Variants in OPLAH observed in about 807,000 individuals in gnomAD.
OPLAH encodes the protein 5-oxoprolinase, ATP-hydrolysing, also known as 5-oxoprolinase.
OPLAH carries 103 observed loss-of-function variants against 122.8 expected under a neutral mutation model. That is an observed-to-expected ratio of 0.84 (90% confidence interval 0.71 to 0.99). The LOEUF is 0.99. Ranked by LOEUF, OPLAH falls within the 50% of genes least tolerant of loss-of-function variation. The probability of loss-of-function intolerance (pLI) is 0.00; values close to 1 mark genes in which losing one functional copy is unlikely to be tolerated. For synonymous variants in OPLAH, 875 were observed against 796.0 expected, an observed-to-expected ratio of 1.10 and a Z score of -1.67; for missense variants, 1,902 against 1,836.5, an observed-to-expected ratio of 1.04 and a Z score of -0.65.
Position 144,056,429 on chromosome 8 carries a change from C to T in OPLAH, c.1939G>A (p.Glu647Lys), listed in dbSNP as rs371821782. The T allele has an allele frequency of 4.0e-5, 64 of 1,609,098 alleles. No individual in the cohort carries two copies. Among genetic ancestry groups the T allele is most frequent in the Admixed American group, 5.0e-5 (3 of 59,512 alleles). ...RGTGRSGLRL[E>K]DAPKAQTGPP... ...CCGGTCTGGGCTTTGGGGGCATCCT[C>T]GAGGCGAAGACCACTGCGGCCGGTG... Residue 647 changes from glutamate to lysine, a missense_variant, in exon 14 of 27, where the codon GAG (glutamate) becomes AAG (lysine). Transcript: ENST00000618853.
intron 19 of OPLAH, among the ~76,000 whole-genome samples, chr8:144,054,196 C>G (rs1835454031): frequency 6.6e-6 from 1 of 151,950 alleles, no homozygotes; most frequent in Admixed American, 6.5e-5. Context: ...TCTACAGGGG[C>G]CTTTGGGCCC....
chr8:144,051,686 G>C, intron 26 of OPLAH, 43 bp downstream of exon 26: 1 of 1,263,856 alleles, frequency 7.9e-7, no homozygotes, highest in Non-Finnish European at 1.1e-6. Flanking sequence ...GGGGCCGGGA[G>C]GGGAGGGGAG....
At chr8:144,056,567 G>A in intron 13 of OPLAH, 44 bp from the exon 14 acceptor site, 1 of 1,612,266 alleles carries the variant, frequency 6.2e-7, no homozygotes, top group Non-Finnish European at 8.5e-7. Flanking sequence ...GAGTGAGGCG[G>A]CCAGACAGGA....
At position 144,056,641 on chromosome 8, in the gene OPLAH, G is replaced by A. The variant is rs1554759225; in HGVS notation, c.1821C>T (p.Asp607=). The part of the protein sequence containing the change: ...PATARSPRAG[D]FGAAFVERYM... ...ACCGCTCCACAAAGGCTGCCCCGAA[G>A]TCCCCCGCACGGGGCGAGCGGGCTG... Residue 607 remains aspartate (D), a synonymous_variant, in exon 13 of 27, where the codon GAC becomes GAT. Transcript: ENST00000618853. 1.9e-6 allele frequency: 3 copies of A among 1,612,306 alleles called. No individual in the cohort carries two copies. The highest frequency in any genetic ancestry group is 2.5e-6 in the Non-Finnish European group (3 of 1,179,792).
rs782712613 is a variant in OPLAH at position 144,052,015 on chromosome 8, G to C, written c.3523C>G (p.Arg1175Gly). 1 of 1,590,094 alleles carries C rather than the reference G, an allele frequency of 6.3e-7. No homozygotes were observed. The highest frequency in any genetic ancestry group is 8.5e-7 in the Non-Finnish European group (1 of 1,176,346). Residue 1175 changes from arginine to glycine, a missense_variant, in exon 25 of 27, where the codon CGA becomes GGA. Around this residue, in one of 3 missense-constraint regions of OPLAH, gnomAD observed 1,726 missense variants for 1,642.1 expected, o/e 1.05. Coordinates refer to ENST00000618853, the MANE Select transcript of OPLAH (RefSeq NM_017570.5). ...TCGCGGGTGACGCCGTCGCCGCCTCGGAAGCGGCCTCTGCCCCCCGAGCCC... is the reference window on the plus strand; with the variant it reads ...TCGCGGGTGACGCCGTCGCCGCCTCCGAAGCGGCCTCTGCCCCCCGAGCCC... ...RRGSGGRGRF[R>G]GGDGVTRELL...
In OPLAH at chr8:144,054,905, GT is replaced by G; in HGVS notation, c.2417del (p.His806ProfsTer13). The G allele has an allele frequency of 5.0e-6, 8 of 1,603,602 alleles. No individual in the cohort carries two copies. The highest frequency in any genetic ancestry group is 6.8e-6 in the Non-Finnish European group (8 of 1,174,410). On this transcript the variant is annotated frameshift_variant, in exon 18 of 27. Coordinates refer to ENST00000618853, the MANE Select transcript of OPLAH (RefSeq NM_017570.5). LOFTEE classifies it high-confidence loss of function. Reference sequence around the variant, plus strand: ...CGCCAGGGTGGAGATCGGCCCCCAGGTGCTGAATCTGAAACCAGGAGATGGG... The same window carrying G: ...CGCCAGGGTGGAGATCGGCCCCCAGGGCTGAATCTGAAACCAGGAGATGGG... ...MQETVQFQIQ[H>X]LGADLHPGDV... is the part of the protein sequence containing the mutation.
chr8:144,056,868 G>C (rs1554759337), intron 12 of OPLAH, 80 bp downstream of exon 12: 2 of 1,515,530 alleles, frequency 1.3e-6, no homozygotes, highest in East Asian at 4.9e-5. Flanking sequence ...GACCACCTGG[G>C]AAGTCATCAG....
chr8:144,051,886 G>T (rs1835386518), intron 25 of OPLAH, 30 bp downstream of exon 25: 2 of 490,618 alleles, frequency 4.1e-6, no homozygotes, highest in Non-Finnish European at 7.5e-6. Context: ...CGGGGGCGGG[G>T]AGGGCCGCGA....
chr8:144,050,867 C>A, downstream of OPLAH: 1 of 992,932 alleles, frequency 1.0e-6, no homozygotes, highest in Non-Finnish European at 1.2e-6. Context: ...CGGTGAGTTG[C>A]GACCTGGATG....
At position 144,054,641 on chromosome 8, in the gene OPLAH, G is replaced by T; in HGVS notation, c.2606C>A (p.Pro869His). ...CTCCTGTTGCAGCATGGTGGAGTGG[G>T]GGGGCATGGAGCCTGGTGTGATGCC... ...IGGITPGSMP[P>H]HSTMLQQEGA... The change falls in exon 19 of 27, where the codon CCC (proline) becomes CAC (histidine). Residue 869 changes from proline to histidine, a missense_variant. Physicochemically the swap from Pro to His is moderately conservative, Grantham distance 77. Coordinates refer to ENST00000618853, the MANE Select transcript of OPLAH (RefSeq NM_017570.5). 7 of 1,611,870 alleles carry T rather than the reference G, an allele frequency of 4.3e-6. No homozygotes were observed. The highest frequency in any genetic ancestry group is 5.1e-6 in the Non-Finnish European group (6 of 1,179,132).
In OPLAH at chr8:144,051,899, G is replaced by A. The variant is rs1587549744; in HGVS notation, c.3622+17C>T. Reference sequence around the variant, plus strand: ...GGCGGGGGCGGGGAGGGCCGCGAGGGCTGGGGAACCGCGCACCGTGGAGCC... The same window carrying A: ...GGCGGGGGCGGGGAGGGCCGCGAGGACTGGGGAACCGCGCACCGTGGAGCC... On this transcript the variant is annotated intron_variant, in intron 25 of 26. Coordinates refer to ENST00000618853, the MANE Select transcript of OPLAH (RefSeq NM_017570.5). The A allele has an allele frequency of 3.9e-6, 6 of 1,530,190 alleles. No individual in the cohort carries two copies. The highest frequency in any genetic ancestry group is 2.5e-5 in the East Asian group (1 of 40,676). 94.8% of individuals were successfully genotyped at this position (1,530,190 alleles called of 1,614,324 possible).
intron 26 of OPLAH, 68 bp downstream of exon 26, chr8:144,051,661 C>G (rs1587549071): frequency 7.4e-7 from 1 of 1,352,902 alleles, no homozygotes; most frequent in African/African-American, 1.4e-5. Flanking sequence ...TGCAACTGTT[C>G]CCCCTCTGTG....
At chr8:144,056,288 C>A (rs1554759045) in intron 14 of OPLAH, 29 bp from the exon 15 acceptor site, 8 of 1,601,656 alleles carry the variant, frequency 5.0e-6, no homozygotes, top group African/African-American at 1.3e-5. Context: ...AGTACAGCGC[C>A]CGGGCCCAGC....
rs782201315 is a variant in OPLAH at position 144,056,649 on chromosome 8, C to T, written c.1813G>A (p.Ala605Thr). 1 of 1,612,290 alleles carries T rather than the reference C, an allele frequency of 6.2e-7. No individual in the cohort carries two copies. The highest frequency in any genetic ancestry group is 2.2e-5 in the East Asian group (1 of 44,866). ...ACAAAGGCTGCCCCGAAGTCCCCCG[C>T]ACGGGGCGAGCGGGCTGTGGCTGGG... ...QHPATARSPRAGDFGAAFVER... is the reference protein window; with the variant it reads ...QHPATARSPRTGDFGAAFVER... The change falls in exon 13 of 27, where the codon GCG becomes ACG. Residue 605 changes from alanine to threonine, a missense_variant. Physicochemically the swap from Ala to Thr is moderately conservative, Grantham distance 58 (BLOSUM62 0). Coordinates refer to ENST00000618853, the MANE Select transcript of OPLAH (RefSeq NM_017570.5).
In OPLAH at chr8:144,051,317, G is replaced by C. The variant is rs374932728; in HGVS notation, c.*9C>G. The C allele has an allele frequency of 1.1e-5, 17 of 1,611,286 alleles. No individual in the cohort carries two copies. In the African/African-American group the frequency reaches 1.9e-4, roughly 18 times the overall value. ...CCGGGAGACTTAAGGCATCTTTATT[G>C]CGGGATCCTCACACGGCCTCCTGGG... On this transcript the variant is annotated 3_prime_UTR_variant, in exon 27 of 27. Coordinates refer to ENST00000618853, the MANE Select transcript of OPLAH (RefSeq NM_017570.5).
At position 144,059,786 on chromosome 8, in the gene OPLAH, G is replaced by A; in HGVS notation, c.176C>T (p.Ala59Val). Residue 59 changes from alanine to valine, a missense_variant, in exon 3 of 27, where the codon GCC becomes GTC. Around this residue, in one of 3 missense-constraint regions of OPLAH, gnomAD observed 168 missense variants for 170.6 expected, o/e 0.98. Transcript: ENST00000618853. The stretch of plus-strand genomic sequence containing the variant: ...CTGGTCCCGGGGCAGGAGCATGCCG[G>A]CCTCCTGGGGACCACGTGGTCAGTG... ...EGIRRILEQE[A>V]GMLLPRDQPL... is the part of the protein sequence containing the mutation. The A allele has an allele frequency of 1.2e-6, 2 of 1,607,952 alleles. No individual in the cohort carries two copies. The highest frequency in any genetic ancestry group is 1.7e-6 in the Non-Finnish European group (2 of 1,178,386).
At position 144,054,577 on chromosome 8, in the gene OPLAH, G is replaced by A. The variant is rs1393438501; in HGVS notation, c.2670C>T (p.Gly890=). The change falls in exon 19 of 27, where the codon GGC becomes GGT. Residue 890 remains glycine, a synonymous_variant. Transcript: ENST00000618853. ...VFLSFKLVQG[G]VFQEEAVTEA... is the part of the protein sequence containing the mutation. ...CCCACTCACCCTCCTCCTGGAAGAC[G>A]CCCCCCTGGACAAGTTTGAAGGACA... 5.7e-6 allele frequency: 9 copies of A among 1,590,798 alleles called. No homozygotes were observed. The highest frequency in any genetic ancestry group is 7.7e-6 in the Non-Finnish European group (9 of 1,163,428).
rs984707481 is a variant in OPLAH at position 144,052,422 on chromosome 8, C to T, written c.3303+27G>A. On this transcript the variant is annotated intron_variant, in intron 23 of 26. Transcript: ENST00000618853. ...CCAGCCTGCCCACCCAGTCCGCCCC[C>T]GAGCTGCGCCCACCCCGCCCCCGCA... is the stretch of plus-strand genomic sequence containing the variant. The T allele has an allele frequency of 2.6e-6, 4 of 1,530,914 alleles. No homozygotes were observed. In the South Asian group the frequency reaches 3.6e-5, roughly 14 times the overall value. The allele number at this position is 1,530,914 out of a possible 1,614,324, so 94.8% of individuals were successfully genotyped here.
downstream of OPLAH, chr8:144,051,262 G>C (rs1554757558): frequency 6.3e-7 from 1 of 1,599,012 alleles, no homozygotes. Flanking sequence ...CTCGGAGCAC[G>C]AACTAGGCGC....
Sources: gnomAD v4.1 joint callset for allele counts (sites outside exome capture counted in the v4.1 genomes callset) on GRCh38, gnomAD v4.1.1 for gene constraint, gnomAD v4.1.1 regional missense constraint, MANE v1.5 for transcripts, NCBI Gene and HGNC (gene_info 2026-07-23, HGNC 2026-07-21) for gene names.